The following CEACAM4 variants were observed in gnomAD, a reference collection of about 807,000 sequenced individuals.
CEACAM4 encodes the protein cell adhesion molecule CEACAM4.
Under a neutral mutation model 28.7 loss-of-function variants are expected in CEACAM4, and 30 were observed. The ratio of observed to expected loss-of-function variants is 1.05; its 90% CI spans 0.78 to 1.42. The LOEUF is 1.42. CEACAM4 is among the 40% of genes most tolerant of loss of function. CEACAM4 has a pLI of 0.00. For missense variants in CEACAM4, 330 were observed against 308.2 expected (o/e 1.07, Z -0.53); for synonymous variants, 143 against 126.5 (o/e 1.13, Z -0.87).
chr19:41,622,853 T>TGTAG (rs1352541427), intron 2 of CEACAM4, among the ~76,000 whole-genome samples: 1 of 132,244 alleles, frequency 7.6e-6, no homozygotes, highest in Non-Finnish European at 1.6e-5. Flanking sequence ...TATACATATA[T>TGTAG]ATAGATAGAT....
intron 4 of CEACAM4, 138 bp downstream of exon 4, chr19:41,620,437 G>T (rs544056639): frequency 2.3e-6 from 2 of 870,580 alleles, no homozygotes; most frequent in South Asian, 3.6e-5. Flanking sequence ...GACAGTCGGG[G>T]TCCCCTGTGT....
In CEACAM4 at chr19:41,626,995, A is replaced by T; in HGVS notation, c.-32T>A. On this transcript the variant is annotated 5_prime_UTR_variant, in exon 1 of 7. Transcript: ENST00000221954. ...TGCTGCCTGCTTGTCCTCTGTGGAG[A>T]GGAGCTGGGCTCCAGGAACGCTCTT... The T allele has an allele frequency of 6.3e-7, 1 of 1,574,956 alleles. No homozygotes were observed. The highest frequency in any genetic ancestry group is 8.6e-7 in the Non-Finnish European group (1 of 1,160,542).
rs1436824633 is a variant in CEACAM4 at position 41,626,029 on chromosome 19, G to A, written c.65-69C>T. 29 of 1,453,804 alleles carry A rather than the reference G, an allele frequency of 2.0e-5. No homozygotes were observed. In the African/African-American group the frequency reaches 3.9e-4, roughly 19 times the overall value. The allele number at this position is 1,453,804 out of a possible 1,614,324, so 90.1% of individuals were successfully genotyped here. ...GTGGGATGGAAAGATAAGGCCCTGG[G>A]TCCTCAGCAGGTCTCCTCATCCCTC... is the stretch of plus-strand genomic sequence containing the variant. On this transcript the variant is annotated intron_variant, in intron 1 of 6. Transcript: ENST00000221954.
rs370823147 is a variant in CEACAM4, at chr19:41,625,746, G to A, written c.279C>T (p.Ala93=). ...ATACTGTCTCTCGACCACTGTATGC[G>A]GCCCCTGGGATATTTGCTTGAATGT... ...ITDIQANIPG[A]AYSGRETVYP... Residue 93 remains alanine, a synonymous_variant, in exon 2 of 7, where the codon GCC becomes GCT. Coordinates refer to ENST00000221954, the MANE Select transcript of CEACAM4 (RefSeq NM_001817.4). The A allele has an allele frequency of 3.3e-4, 535 of 1,613,834 alleles. 1 individual carries two copies. Among genetic ancestry groups the A allele is most frequent in the Non-Finnish European group, 4.3e-4 (502 of 1,179,956 alleles).
In CEACAM4 at chr19:41,621,770, T is replaced by C. The variant is rs1425541296; in HGVS notation, c.425-2A>G. On this transcript the variant is annotated splice_acceptor_variant, in intron 2 of 6. Coordinates refer to ENST00000221954, the MANE Select transcript of CEACAM4 (RefSeq NM_001817.4). LOFTEE classifies it high-confidence loss of function. ...CAGGAAGGCCTGGGACGTTGTTTTC[T>C]GCAGAAAGGGGAAGGCAAAGGGGAC... 1 of 1,583,378 alleles carries C rather than the reference T, an allele frequency of 6.3e-7. No individual in the cohort carries two copies. Among genetic ancestry groups the C allele is most frequent in the Non-Finnish European group, 8.7e-7 (1 of 1,154,242 alleles).
chr19:41,613,647 T>G, the CEACAM4 span, among the ~76,000 whole-genome samples: 3 of 152,048 alleles, frequency 2.0e-5, no homozygotes, highest in Admixed American at 2.0e-4. Flanking sequence ...CAGGGAGTTT[T>G]AATTGGTGGA....
At chr19:41,617,348 C>T (rs141414336), downstream of CEACAM4, among the ~76,000 whole-genome samples, 179 of 152,274 alleles carry the variant, frequency 1.2e-3, no homozygotes, top group South Asian at 3.3e-3. Flanking sequence ...CAGGAACTGA[C>T]GCCACAGTCA....
Position 41,620,226 on chromosome 19 carries a change from G to T in CEACAM4, c.612C>A (p.His204Gln). 1 of 1,489,630 alleles carries T rather than the reference G, an allele frequency of 6.7e-7. No individual in the cohort carries two copies. The highest frequency in any genetic ancestry group is 8.9e-7 in the Non-Finnish European group (1 of 1,125,010). 92.3% of individuals were successfully genotyped at this position (1,489,630 alleles called of 1,614,324 possible). A position where few individuals can be genotyped will look rare whatever the true frequency, so the allele number is the denominator to read the frequency against. ...PASTPGHGPS[H>Q]RSTFSAPLPS... ...ACAGGCTTACCGAGAAGGTGGATCT[G>T]TGAGAGGGACCATGGCCTGGGGACA... Residue 204 changes from histidine (H) to glutamine (Q), a missense_variant, in exon 5 of 7, where the codon CAC (histidine) becomes CAA (glutamine). His to Gln is a conservative substitution (Grantham distance 24). Transcript: ENST00000221954.
intron 2 of CEACAM4, 151 bp from the exon 3 acceptor site, chr19:41,621,919 C>G (rs929501): frequency 0.076 from 44,823 of 590,880 alleles, 4,522 homozygotes; most frequent in East Asian, 0.38. Flanking sequence ...AGCTGACTCC[C>G]TTGCTCTCCA....
rs116178151 is a variant in CEACAM4, at chr19:41,620,654, G to T, written c.543-27C>A. ...TAGGAAAGGTCAGGATTATTCATGA[G>T]GGTGCAGGGAGAAATCACAGGTTTA... On this transcript the variant is annotated intron_variant, in intron 3 of 6. Transcript: ENST00000221954. The T allele has an allele frequency of 7.2e-4, 1,156 of 1,603,198 alleles. 6 individuals carry two copies. In the African/African-American group the frequency reaches 0.014, roughly 20 times the overall value.
chr19:41,614,851 A>G (rs140378893), downstream of CEACAM4, among the ~76,000 whole-genome samples: 33 of 149,688 alleles, frequency 2.2e-4, no homozygotes, highest in East Asian at 6.4e-3. Context: ...GAGGCTGATG[A>G]CTTTGACCAC....
chr19:41,619,820 C>T (rs2071149934), intron 5 of CEACAM4, 109 bp from the exon 6 acceptor site: 1 of 910,356 alleles, frequency 1.1e-6, no homozygotes, highest in Non-Finnish European at 1.6e-6. Context: ...CCTGCCTCCA[C>T]TTCCACTCAT....
chr19:41,617,416 G>T (rs2071002413), downstream of CEACAM4, among the ~76,000 whole-genome samples: 3 of 152,176 alleles, frequency 2.0e-5, no homozygotes, highest in Admixed American at 2.0e-4. Context: ...TGAGAAGATG[G>T]CCTTGAGAGG....
chr19:41,616,487 TGATA>T (rs35437530), downstream of CEACAM4, among the ~76,000 whole-genome samples: 21,759 of 146,336 alleles, frequency 0.15, 1,674 homozygotes, highest in Non-Finnish European at 0.16. Flanking sequence ...TATAGATAGA[TGATA>T]GATAGATAGA....
At chr19:41,618,000 A>AACGTGTGGCAGTGGCAGAACACTCTTGGG (rs2071025676), downstream of CEACAM4, among the ~76,000 whole-genome samples, 2 of 151,370 alleles carry the variant, frequency 1.3e-5, no homozygotes. Context: ...CAGGACGAAC[A>AACGTGTGGCAGTGGCAGAACACTCTTGGG]ACCTGTGGCA....
chr19:41,622,228 C>A (rs1173003640), intron 2 of CEACAM4, among the ~76,000 whole-genome samples: 1 of 152,098 alleles, frequency 6.6e-6, no homozygotes, highest in Non-Finnish European at 1.5e-5. Context: ...CAGGTTTGTG[C>A]CACCATGCCA....
intron 4 of CEACAM4, 99 bp downstream of exon 4, chr19:41,620,476 C>A (rs1318715850): frequency 2.8e-6 from 3 of 1,072,932 alleles, no homozygotes; most frequent in Non-Finnish European, 4.0e-6. Flanking sequence ...CCTTGCAGCC[C>A]CAAAGAAAGG....
At position 41,620,232 on chromosome 19, in the gene CEACAM4, G is replaced by T; in HGVS notation, c.606C>A (p.Pro202=). 6.7e-7 allele frequency: 1 copy of T among 1,486,848 alleles called. No individual in the cohort carries two copies. The highest frequency in any genetic ancestry group is 2.5e-5 in the East Asian group (1 of 39,500). The allele number at this position is 1,486,848 out of a possible 1,614,324, so 92.1% of individuals were successfully genotyped here. A position where few individuals can be genotyped will look rare whatever the true frequency, so the allele number is the denominator to read the frequency against. The part of the protein sequence containing the change: ...PPPASTPGHG[P]SHRSTFSAPL... ...TTACCGAGAAGGTGGATCTGTGAGA[G>T]GGACCATGGCCTGGGGACAGAGACA... Residue 202 remains proline (P), a synonymous_variant, in exon 5 of 7, where the codon CCC becomes CCA. Transcript: ENST00000221954.
chr19:41,617,870 C>T (rs1209600940), downstream of CEACAM4, among the ~76,000 whole-genome samples: 2 of 152,146 alleles, frequency 1.3e-5, no homozygotes, highest in Non-Finnish European at 2.9e-5. Flanking sequence ...ACTAAAGAGG[C>T]CTCACCTTGT....
Sources: allele counts gnomAD v4.1 joint callset (sites outside exome capture counted in the v4.1 genomes callset), GRCh38; gene constraint gnomAD v4.1.1; transcripts MANE v1.5; gene names NCBI Gene and HGNC (gene_info 2026-07-23, HGNC 2026-07-21).